Variants in TRDN observed in about 807,000 individuals in gnomAD.
TRDN encodes the protein triadin.
Under a neutral mutation model 149.7 loss-of-function variants are expected in TRDN, and 161 were observed. The observed-to-expected ratio is 1.08, with a 90% CI of 0.95 to 1.23. The LOEUF is 1.23. Among genes scored for constraint, TRDN ranks in the 50% most tolerant of loss-of-function variants. TRDN has a pLI of 0.00. For missense variants in TRDN, 896 were observed against 823.5 expected, an observed-to-expected ratio of 1.09 and a Z score of -1.08; for synonymous variants, 294 against 250.5, an observed-to-expected ratio of 1.17 and a Z score of -1.64.
chr6:123,273,103 T>G, intron 28 of TRDN, 92 bp from the exon 29 acceptor site: 1 of 846,720 alleles, frequency 1.2e-6, no homozygotes, highest in Non-Finnish European at 1.8e-6. Context: ...AGAGAAAAAA[T>G]ATTCTGAAAT....
chr6:123,438,697 T>C (rs1276147104), intron 11 of TRDN, among the ~76,000 whole-genome samples: 1 of 152,158 alleles, frequency 6.6e-6, no homozygotes, highest in Non-Finnish European at 1.5e-5. Flanking sequence ...ATTAAGCAGC[T>C]GCTCTTAAGA....
intron 12 of TRDN, among the ~76,000 whole-genome samples, chr6:123,431,987 G>A (rs1756805579): frequency 6.6e-6 from 1 of 152,142 alleles, no homozygotes; most frequent in Non-Finnish European, 1.5e-5. Flanking sequence ...TTTAGTTTGT[G>A]CAGAATATTA....
Position 123,495,030 on chromosome 6 carries a change from G to A in TRDN, c.853+2163C>T, listed in dbSNP as rs113828419. On this transcript the variant is annotated intron_variant, in intron 9 of 40. Transcript: ENST00000334268. The stretch of plus-strand genomic sequence containing the variant: ...ATTATAGGCATGACCCACCTGGCCC[G>A]GCCAGATTGAACTTTTAAATTATTT... Among the ~76,000 whole-genome samples, 585 of 151,822 alleles carry A rather than the reference G, an allele frequency of 3.9e-3. 3 individuals are homozygous for A. The highest frequency in any genetic ancestry group is 0.013 in the African/African-American group (537 of 41,438).
At chr6:123,349,893 T>A in intron 21 of TRDN, 2 of 985,356 alleles carry the variant, frequency 2.0e-6, no homozygotes, top group Non-Finnish European at 2.4e-6. Context: ...GGGTTTTGCC[T>A]GGTGTTGTGA....
intron 2 of TRDN, among the ~76,000 whole-genome samples, chr6:123,559,208 A>G (rs1012310574): frequency 2.0e-5 from 3 of 152,074 alleles, no homozygotes; most frequent in Non-Finnish European, 4.4e-5. Flanking sequence ...ATCAAAATGA[A>G]AGCCACCCAC....
At chr6:123,381,990 A>G (rs1261080037) in intron 15 of TRDN, 128 bp downstream of exon 15, 2 of 355,874 alleles carry the variant, frequency 5.6e-6, no homozygotes, top group South Asian at 2.1e-4. Context: ...TCTCTCTCTC[A>G]ATCTCAATCA....
At chr6:123,511,246 A>G (rs926283877) in intron 7 of TRDN, among the ~76,000 whole-genome samples, 1 of 152,144 alleles carries the variant, frequency 6.6e-6, no homozygotes, top group African/African-American at 2.4e-5. Context: ...TTTCCTCAAT[A>G]TATGTTATTG....
At chr6:123,452,107 A>G (rs1418721878) in intron 10 of TRDN, among the ~76,000 whole-genome samples, 1 of 152,166 alleles carries the variant, frequency 6.6e-6, no homozygotes, top group Non-Finnish European at 1.5e-5. Flanking sequence ...TTAATGTAAT[A>G]AAAGCTTTCC....
In TRDN at chr6:123,267,690, C is replaced by CA. The variant is rs2114606723; in HGVS notation, c.1783+16dup. On this transcript the variant is annotated intron_variant, in intron 32 of 40. Transcript: ENST00000334268. ...AGTGAACATAAGACAGAATATAAAC[C>CA]AAAAATGGTAAAATACCTGTTTTTA... 1 of 1,539,640 alleles carries CA rather than the reference C, an allele frequency of 6.5e-7. No homozygotes were observed.
At chr6:123,273,054 C>T (rs1374669276) in intron 28 of TRDN, 43 bp from the exon 29 acceptor site, 1 of 1,327,300 alleles carries the variant, frequency 7.5e-7, no homozygotes, top group African/African-American at 1.5e-5. Context: ...TATTTAGAAG[C>T]TGGGAAAATA....
chr6:123,302,326 T>G (rs1024824959), intron 24 of TRDN, among the ~76,000 whole-genome samples: 1 of 152,122 alleles, frequency 6.6e-6, no homozygotes, highest in Non-Finnish European at 1.5e-5. Flanking sequence ...AGTTTACCCT[T>G]GATATACATG....
chr6:123,501,975 TG>T, intron 8 of TRDN: 1 of 985,170 alleles, frequency 1.0e-6, no homozygotes. Context: ...CCCAAAGATA[TG>T]AAAAATTAAC....
At chr6:123,630,655 T>A (rs1285918199) in intron 1 of TRDN, among the ~76,000 whole-genome samples, 1 of 151,920 alleles carries the variant, frequency 6.6e-6, no homozygotes, top group Non-Finnish European at 1.5e-5. Flanking sequence ...GGATACTATG[T>A]GCTTATGGGG....
At chr6:123,301,643 C>G (rs1482748487) in intron 24 of TRDN, among the ~76,000 whole-genome samples, 1 of 150,204 alleles carries the variant, frequency 6.7e-6, no homozygotes, top group East Asian at 1.9e-4. Context: ...AATAAATGTC[C>G]TTGAACTAAC....
At chr6:123,341,610 T>C (rs903127744) in intron 21 of TRDN, among the ~76,000 whole-genome samples, 2 of 151,908 alleles carry the variant, frequency 1.3e-5, no homozygotes, top group African/African-American at 2.4e-5. Flanking sequence ...ATCTGAACAA[T>C]GTTGTCAGTA....
At chr6:123,501,052 T>C (rs1778676457) in intron 8 of TRDN, among the ~76,000 whole-genome samples, 1 of 151,760 alleles carries the variant, frequency 6.6e-6, no homozygotes, top group African/African-American at 2.4e-5. Context: ...AACTAGATTA[T>C]TTGATGGGTG....
intron 8 of TRDN, 88 bp from the exon 9 acceptor site, chr6:123,497,340 A>C: frequency 1.2e-6 from 1 of 847,378 alleles, no homozygotes; most frequent in Non-Finnish European, 1.7e-6. Flanking sequence ...AAGCAAACAA[A>C]ATAGCACAAT....
intron 15 of TRDN, among the ~76,000 whole-genome samples, chr6:123,381,654 G>T (rs1466329224): frequency 2.0e-5 from 3 of 151,964 alleles, no homozygotes; most frequent in Non-Finnish European, 2.9e-5. Flanking sequence ...ATTTACACCT[G>T]ATATGTAATA....
At chr6:123,317,983 T>A (rs1779095146) in intron 23 of TRDN, among the ~76,000 whole-genome samples, 1 of 152,022 alleles carries the variant, frequency 6.6e-6, no homozygotes, top group South Asian at 2.1e-4. Context: ...AAATAAGTGA[T>A]GTCTTTATGT....
Sources: gnomAD v4.1 joint callset for allele counts (sites outside exome capture counted in the v4.1 genomes callset) on GRCh38, gnomAD v4.1.1 for gene constraint, MANE v1.5 for transcripts, NCBI Gene and HGNC (gene_info 2026-07-23, HGNC 2026-07-21) for gene names.